Variants in SPATA13 observed in about 807,000 individuals in gnomAD.
SPATA13 encodes spermatogenesis-associated protein 13.
A neutral mutation model predicts 104.0 loss-of-function variants in SPATA13; 50 were observed. That is an observed-to-expected ratio of 0.48 (90% confidence interval 0.38 to 0.61). The LOEUF is 0.61. Among genes scored for constraint, SPATA13 ranks in the 20% least tolerant of loss-of-function variants. SPATA13 has a pLI of 0.00. For missense variants in SPATA13, 1,524 were observed against 1,690.6 expected (o/e 0.90, Z 1.73); for synonymous variants, 606 against 667.5 (o/e 0.91, Z 1.42).
intron 2 of SPATA13, among the ~76,000 whole-genome samples, chr13:24,234,145 C>G (rs1872444510): frequency 6.6e-6 from 1 of 152,158 alleles, no homozygotes; most frequent in Admixed American, 6.5e-5. Flanking sequence ...ACCACAGTAA[C>G]CATTTGTAAT....
At chr13:24,075,470 G>T (rs550352812) in intron 3 of SPATA13, among the ~76,000 whole-genome samples, 13 of 152,138 alleles carry the variant, frequency 8.5e-5, no homozygotes, top group African/African-American at 2.7e-4. Context: ...ATTAAGCCAA[G>T]GGTTTAAATA....
chr13:24,223,835 A>C lies in SPATA13; in HGVS notation c.906A>C (p.Ser302=), dbSNP rs1024616132. 3.2e-6 allele frequency: 5 copies of C among 1,551,674 alleles called. No individual in the cohort carries two copies. In the African/African-American group the frequency reaches 5.5e-5, roughly 17 times the overall value. The change falls in exon 2 of 13, where the codon TCA becomes TCC. Residue 302 remains serine, a synonymous_variant. Transcript: ENST00000382108. ...SSSTDSQKLG[S]GRTKRWRSPI... Reference sequence around the variant, plus strand: ...CCACTGACTCCCAAAAGCTTGGGTCAGGAAGGACCAAACGCTGGAGGAGCC... The same window carrying C: ...CCACTGACTCCCAAAAGCTTGGGTCCGGAAGGACCAAACGCTGGAGGAGCC...
chr13:24,154,692 G>A (rs1405500498), intron 3 of SPATA13, among the ~76,000 whole-genome samples: 1 of 152,164 alleles, frequency 6.6e-6, no homozygotes, highest in Non-Finnish European at 1.5e-5. Context: ...AGGAGTCTGG[G>A]CACAGCTTAG....
In SPATA13 at chr13:24,088,909, A is replaced by T. The variant is rs1203554517; in HGVS notation, c.-112+71208A>T. On this transcript the variant is annotated intron_variant, in intron 3 of 14. Coordinates refer to the SPATA13 transcript ENST00000424834. This position sits in a 1 kb window ranked among gnomAD's most constrained non-coding sequence, Gnocchi z 4.3. Reference sequence around the variant, plus strand: ...CTCCTGGGTCCACTGGTTCCTGTGCAGCAGGCAAAAGAGGTGGAAGGGAAT... The same window carrying T: ...CTCCTGGGTCCACTGGTTCCTGTGCTGCAGGCAAAAGAGGTGGAAGGGAAT... Among the ~76,000 whole-genome samples, 1 of 152,246 alleles carries T rather than the reference A, an allele frequency of 6.6e-6. No individual in the cohort carries two copies. The highest frequency in any genetic ancestry group is 1.5e-5 in the Non-Finnish European group (1 of 68,050).
At chr13:24,269,375 T>C (rs1874447283) in intron 4 of SPATA13, among the ~76,000 whole-genome samples, 1 of 9,390 alleles carries the variant, frequency 1.1e-4, no homozygotes, top group African/African-American at 3.9e-4. Context: ...TATGTATGTG[T>C]GTATGTATGT....
chr13:24,291,740 A>AT lies in SPATA13; in HGVS notation c.3080+863dup, dbSNP rs111558434. Among the ~76,000 whole-genome samples, 229 of 138,842 alleles carry AT rather than the reference A, an allele frequency of 1.6e-3. 3 individuals carry two copies. Among genetic ancestry groups the AT allele is most frequent in the African/African-American group, 5.8e-3 (217 of 37,636 alleles). The allele number at this position is 138,842 out of a possible 152,430, so 91.1% of individuals were successfully genotyped here. ...CAAAATACACTCTCTCTCTGTCTTT[A>AT]TTTTTTTATTTTTTTATTTTTTTTT... is the stretch of plus-strand genomic sequence containing the variant. On this transcript the variant is annotated intron_variant, in intron 9 of 12. Transcript: ENST00000382108.
At chr13:24,002,428 C>T (rs371396459) in intron 2 of SPATA13, among the ~76,000 whole-genome samples, 48 of 152,220 alleles carry the variant, frequency 3.2e-4, no homozygotes, top group African/African-American at 1.1e-3. Flanking sequence ...CTCTGCATTC[C>T]ATAGAGAGGG....
rs762242386 is a variant in SPATA13, at chr13:24,297,755, G to T, written c.3583+20G>T. 1.3e-6 allele frequency: 2 copies of T among 1,592,986 alleles called. No homozygotes were observed. Among genetic ancestry groups the T allele is most frequent in the South Asian group, 1.1e-5 (1 of 88,378 alleles). ...AGATGGGTGAGCAGCCCTTGGCTCTGCAGGCACCTGTGCCTCTGCTTGCTG... is the reference window on the plus strand; with the variant it reads ...AGATGGGTGAGCAGCCCTTGGCTCTTCAGGCACCTGTGCCTCTGCTTGCTG... On this transcript the variant is annotated intron_variant, in intron 11 of 12. Transcript: ENST00000382108.
chr13:24,160,141 T>C (rs1882407524), upstream of SPATA13, among the ~76,000 whole-genome samples: 1 of 152,226 alleles, frequency 6.6e-6, no homozygotes, highest in South Asian at 2.1e-4. Flanking sequence ...GGGAGTGAAC[T>C]TCTGGCCCAG....
chr13:24,249,379 C>A, intron 2 of SPATA13, 98 bp from the exon 3 acceptor site: 1 of 1,394,956 alleles, frequency 7.2e-7, no homozygotes, highest in East Asian at 2.6e-5. Context: ...CAAGAAAACC[C>A]GAGGCACGGC....
intron 3 of SPATA13, among the ~76,000 whole-genome samples, chr13:24,120,530 T>A (rs1407835037): frequency 6.6e-6 from 1 of 152,184 alleles, no homozygotes; most frequent in Non-Finnish European, 1.5e-5. Context: ...ATTCAAACTC[T>A]GGCTACACCA....
chr13:24,191,647 C>T, intron 1 of SPATA13, among the ~76,000 whole-genome samples: 1 of 151,454 alleles, frequency 6.6e-6, no homozygotes, highest in East Asian at 1.9e-4. Context: ...GTAGCTGGGA[C>T]TACAGGCGCC....
intron 3 of SPATA13, among the ~76,000 whole-genome samples, chr13:24,103,919 C>T (rs1048368112): frequency 6.6e-6 from 1 of 152,150 alleles, no homozygotes; most frequent in African/African-American, 2.4e-5. Flanking sequence ...CTCACACCAG[C>T]GCTGCTCAGA....
chr13:24,068,129 A>T (rs1327733843), intron 3 of SPATA13, among the ~76,000 whole-genome samples: 1 of 152,114 alleles, frequency 6.6e-6, no homozygotes, highest in African/African-American at 2.4e-5. Context: ...AGTGGCCATT[A>T]GTTACTTTGC....
At chr13:24,296,313 T>G (rs548354991) in intron 10 of SPATA13, among the ~76,000 whole-genome samples, 1 of 152,350 alleles carries the variant, frequency 6.6e-6, no homozygotes, top group African/African-American at 2.4e-5. Context: ...CAGGCTCTTT[T>G]GCCTCCAAAA....
chr13:24,190,260 C>CATTATATACCATATGGTAT (rs1566141512), intron 1 of SPATA13, among the ~76,000 whole-genome samples: 485 of 3,334 alleles, frequency 0.15, 172 homozygotes, highest in East Asian at 0.88. Flanking sequence ...ATATAATATA[C>CATTATATACCATATGGTAT]ATAATATATA....
intron 3 of SPATA13, among the ~76,000 whole-genome samples, chr13:24,139,416 C>T (rs1431540765): frequency 2.6e-5 from 4 of 152,162 alleles, no homozygotes; most frequent in Admixed American, 2.0e-4. Flanking sequence ...ACAAACAGGA[C>T]GTTCTGACAG....
chr13:24,286,074 TAGTC>T lies in SPATA13; in HGVS notation c.2302-136_2302-133del. 1 of 719,648 alleles carries T rather than the reference TAGTC, an allele frequency of 1.4e-6. No homozygotes were observed. The allele number at this position is 719,648 out of a possible 1,614,324, so 44.6% of individuals were successfully genotyped here. On this transcript the variant is annotated intron_variant, in intron 5 of 12. Coordinates refer to ENST00000382108, the MANE Select transcript of SPATA13 (RefSeq NM_001166271.3). This position sits in a 1 kb window ranked among gnomAD's most constrained non-coding sequence, Gnocchi z 4.9. ...GGTTCTCTTTGTGTAACCAGTCACA[TAGTC>T]AGTGTGGACCAAATGCCACCAGCAT...
chr13:24,001,750 T>C (rs964211978), intron 2 of SPATA13, among the ~76,000 whole-genome samples: 1 of 151,316 alleles, frequency 6.6e-6, no homozygotes, highest in Non-Finnish European at 1.5e-5. Context: ...GAGAACCTGA[T>C]GGGTTGAAGA....
Sources: gnomAD v4.1 joint callset for allele counts (sites outside exome capture counted in the v4.1 genomes callset) on GRCh38, gnomAD v4.1.1 for gene constraint, Gnocchi (gnomAD v3.1) non-coding constraint, MANE v1.5 for transcripts, NCBI Gene and HGNC (gene_info 2026-07-23, HGNC 2026-07-21) for gene names.